The following LRRC20 variants were observed in gnomAD, a reference collection of about 807,000 sequenced individuals.
LRRC20 encodes the protein leucine-rich repeat-containing protein 20.
A neutral mutation model predicts 14.4 loss-of-function variants in LRRC20; 11 were observed. The ratio of observed to expected loss-of-function variants is 0.77; its 90% confidence interval spans 0.48 to 1.27. The LOEUF (loss-of-function observed/expected upper bound fraction) is 1.27, where lower values mean the gene tolerates loss of function less well. LRRC20 is among the 50% of genes most tolerant of loss of function. LRRC20 has a pLI of 0.00. For synonymous variants in LRRC20, 121 were observed against 107.3 expected, an observed-to-expected ratio of 1.13 and a Z score of -0.79; for missense variants, 219 against 251.2, an observed-to-expected ratio of 0.87 and a Z score of 0.87.
At chr10:70,380,927 A>G (rs1844679026) in intron 1 of LRRC20, among the ~76,000 whole-genome samples, 1 of 152,208 alleles carries the variant, frequency 6.6e-6, no homozygotes, top group Non-Finnish European at 1.5e-5. Context: ...GGCCAGGCCT[A>G]GGGGGGCATG....
chr10:70,329,630 C>A (rs151266546), intron 3 of LRRC20, among the ~76,000 whole-genome samples: 1 of 149,038 alleles, frequency 6.7e-6, no homozygotes. Context: ...GGCACGATCT[C>A]GGCTCACTGC....
At chr10:70,310,195 G>T (rs1463185989) in intron 4 of LRRC20, among the ~76,000 whole-genome samples, 1 of 152,224 alleles carries the variant, frequency 6.6e-6, no homozygotes, top group Non-Finnish European at 1.5e-5. Context: ...AGGCAACTGG[G>T]AGTTTCTGGA....
At chr10:70,336,878 G>A (rs376700069) in intron 3 of LRRC20, among the ~76,000 whole-genome samples, 8 of 152,304 alleles carry the variant, frequency 5.3e-5, no homozygotes, top group African/African-American at 1.7e-4. Flanking sequence ...TGAGGAAGAG[G>A]GGAAACAGGG....
Position 70,300,531 on chromosome 10 carries a change from C to T in LRRC20, c.*823G>A. On this transcript the variant is annotated 3_prime_UTR_variant, in exon 5 of 5. Coordinates refer to ENST00000446961, the MANE Select transcript of LRRC20 (RefSeq NM_001278212.2). ...ACAGTGGTGAGGGTGGCCATCTAAT[C>T]ACTTTAGACAAGAGCTGCAGGTGTA... 1 of 985,502 alleles carries T rather than the reference C, an allele frequency of 1.0e-6. No individual in the cohort carries two copies. Among genetic ancestry groups the T allele is most frequent in the Non-Finnish European group, 1.2e-6 (1 of 829,988 alleles). The allele number at this position is 985,502 out of a possible 1,614,324, so 61.0% of individuals were successfully genotyped here.
At chr10:70,364,744 A>C (rs1386954496) in intron 2 of LRRC20, among the ~76,000 whole-genome samples, 1 of 152,144 alleles carries the variant, frequency 6.6e-6, no homozygotes, top group African/African-American at 2.4e-5. Flanking sequence ...TGGGCCCGGG[A>C]GGGACGAAAG....
At chr10:70,359,890 C>A (rs1589114232) in intron 2 of LRRC20, among the ~76,000 whole-genome samples, 1 of 151,996 alleles carries the variant, frequency 6.6e-6, no homozygotes, top group South Asian at 2.1e-4. Context: ...CTTGAACCCC[C>A]GTTGTTCCAC....
At chr10:70,320,611 C>A (rs1842040917) in intron 4 of LRRC20, among the ~76,000 whole-genome samples, 1 of 152,152 alleles carries the variant, frequency 6.6e-6, no homozygotes, top group Non-Finnish European at 1.5e-5. Flanking sequence ...CAGCTGAGTA[C>A]CTGCTGTATG....
At chr10:70,353,325 C>A (rs1451813487) in intron 2 of LRRC20, among the ~76,000 whole-genome samples, 1 of 138,032 alleles carries the variant, frequency 7.2e-6, no homozygotes, top group Non-Finnish European at 1.6e-5. Context: ...TTACAAAGTG[C>A]CTGCTGCTTG....
chr10:70,363,327 AGAGGAAGG>A (rs1418994993), intron 2 of LRRC20, among the ~76,000 whole-genome samples: 1 of 151,844 alleles, frequency 6.6e-6, no homozygotes, highest in Non-Finnish European at 1.5e-5. Flanking sequence ...GGAAAAAGAG[AGAGGAAGG>A]GAGGAAGGAA....
intron 2 of LRRC20, among the ~76,000 whole-genome samples, chr10:70,359,677 G>T (rs1191875577): frequency 6.6e-6 from 1 of 152,176 alleles, no homozygotes; most frequent in Non-Finnish European, 1.5e-5. Context: ...CTTGCCCTCT[G>T]GCCAAGCCAG....
intron 2 of LRRC20, among the ~76,000 whole-genome samples, chr10:70,375,457 T>C (rs564259798): frequency 1.5e-3 from 161 of 104,598 alleles, no homozygotes; most frequent in African/African-American, 5.5e-3. Context: ...GAAGGCTGAG[T>C]GTCTCTCCAC....
intron 2 of LRRC20, among the ~76,000 whole-genome samples, chr10:70,350,728 T>C (rs1365212855): frequency 6.6e-6 from 1 of 152,178 alleles, no homozygotes; most frequent in Non-Finnish European, 1.5e-5. Flanking sequence ...CTCAGGCCAG[T>C]AGGCACATGG....
intron 2 of LRRC20, among the ~76,000 whole-genome samples, chr10:70,347,741 C>T (rs1843128749): frequency 6.6e-6 from 1 of 151,314 alleles, no homozygotes; most frequent in African/African-American, 2.4e-5. Context: ...ATTGCTTGAG[C>T]CTGGGAGGAG....
chr10:70,322,521 AGGCTCCTTCTGCTCTGGGC>A (rs1842128300), intron 4 of LRRC20, among the ~76,000 whole-genome samples: 1 of 152,092 alleles, frequency 6.6e-6, no homozygotes, highest in Admixed American at 6.5e-5. Context: ...ACTTCTGGGC[AGGCTCCTTCTGCTCTGGGC>A]AGGCTCCTTC....
intron 2 of LRRC20, among the ~76,000 whole-genome samples, chr10:70,371,349 A>C (rs950348684): frequency 3.9e-5 from 6 of 152,036 alleles, no homozygotes; most frequent in African/African-American, 1.4e-4. Context: ...TCTACCAAAA[A>C]TATAAGCAGT....
rs188395886 is a variant in LRRC20, at chr10:70,298,981, C to G, written c.*2373G>C. ...CAAACACCAACCAGGCAGATGAAAC[C>G]AATGCATTCTTTATTGCAGACTGAA... is the stretch of plus-strand genomic sequence containing the variant. On this transcript the variant is annotated 3_prime_UTR_variant, in exon 5 of 5. Coordinates refer to ENST00000446961, the MANE Select transcript of LRRC20 (RefSeq NM_001278212.2). 2.0e-5 allele frequency: 3 copies of G among 152,698 alleles called. No individual in the cohort carries two copies. In the East Asian group the frequency reaches 5.8e-4, roughly 30 times the overall value. The allele number at this position is 152,698 out of a possible 1,614,324, so 9.5% of individuals were successfully genotyped here.
intron 2 of LRRC20, among the ~76,000 whole-genome samples, chr10:70,347,993 C>T (rs933748599): frequency 2.0e-5 from 3 of 152,132 alleles, no homozygotes; most frequent in Non-Finnish European, 2.9e-5. Context: ...AAATAGCTAT[C>T]GAGGCCCTCC....
At chr10:70,305,644 CCTT>C (rs1260666199) in intron 4 of LRRC20, among the ~76,000 whole-genome samples, 1 of 152,154 alleles carries the variant, frequency 6.6e-6, no homozygotes, top group Non-Finnish European at 1.5e-5. Flanking sequence ...CTTCCCCCCT[CCTT>C]TTTTCCTTTG....
chr10:70,339,267 T>C (rs1842824624), intron 3 of LRRC20, among the ~76,000 whole-genome samples: 1 of 152,256 alleles, frequency 6.6e-6, no homozygotes, highest in East Asian at 1.9e-4. Flanking sequence ...TCAAGGGCAC[T>C]GCTATGAATG....
Sources: gnomAD v4.1 joint callset for allele counts (sites outside exome capture counted in the v4.1 genomes callset) on GRCh38, gnomAD v4.1.1 for gene constraint, MANE v1.5 for transcripts, NCBI Gene and HGNC (gene_info 2026-07-23, HGNC 2026-07-21) for gene names.